Variants in HDAC9 observed in about 807,000 individuals in gnomAD.
HDAC9 encodes histone deacetylase 9.
HDAC9 carries 41 observed loss-of-function variants against 139.4 expected under a neutral mutation model. That is an observed-to-expected ratio of 0.29 (90% CI 0.23 to 0.38). HDAC9 has a LOEUF of 0.38. Ranked by LOEUF, HDAC9 falls within the 10% of genes least tolerant of loss-of-function variation. HDAC9 has a pLI of 1.00. For synonymous variants in HDAC9, 517 were observed against 476.2 expected, an observed-to-expected ratio of 1.09 and a Z score of -1.12; for missense variants, 1,147 against 1,297.0, an observed-to-expected ratio of 0.88 and a Z score of 1.78.
chr7:18,631,386 T>C (rs1295399331), intron 7 of HDAC9, among the ~76,000 whole-genome samples: 1 of 152,050 alleles, frequency 6.6e-6, no homozygotes, highest in Non-Finnish European at 1.5e-5. Context: ...GAAATGTCTT[T>C]GGAGGCTCCG....
At chr7:18,692,077 G>C (rs1782712617) in intron 12 of HDAC9, among the ~76,000 whole-genome samples, 1 of 152,064 alleles carries the variant, frequency 6.6e-6, no homozygotes, top group South Asian at 2.1e-4. Flanking sequence ...TCTCAGAAAA[G>C]ACAGCATATT....
chr7:18,828,492 C>T (rs1037467364), intron 17 of HDAC9, among the ~76,000 whole-genome samples: 5 of 152,172 alleles, frequency 3.3e-5, no homozygotes, highest in African/African-American at 4.8e-5. Flanking sequence ...CTGCTTGCTT[C>T]TCAGCCCTGG....
chr7:18,479,723 T>G (rs1292189508), intron 1 of HDAC9, among the ~76,000 whole-genome samples: 1 of 152,126 alleles, frequency 6.6e-6, no homozygotes, highest in Non-Finnish European at 1.5e-5. Flanking sequence ...CCCTATTTTT[T>G]TCTTTATTGT....
At chr7:18,748,352 C>T in intron 13 of HDAC9, among the ~76,000 whole-genome samples, 1 of 152,066 alleles carries the variant, frequency 6.6e-6, no homozygotes, top group Admixed American at 6.5e-5. Context: ...TTGTAATTTA[C>T]ATTTATTTTT....
chr7:18,175,609 T>A (rs1788827112), intron 2 of HDAC9, among the ~76,000 whole-genome samples: 1 of 152,188 alleles, frequency 6.6e-6, no homozygotes, highest in Admixed American at 6.5e-5. Flanking sequence ...AGTCCATAGT[T>A]TTATAATGCA....
chr7:18,991,573 C>T (rs769847935), intron 25 of HDAC9, among the ~76,000 whole-genome samples: 3 of 151,460 alleles, frequency 2.0e-5, no homozygotes, highest in Non-Finnish European at 2.9e-5. Flanking sequence ...GGAGGCGGAG[C>T]TTGCAGTGAG....
intron 1 of HDAC9, among the ~76,000 whole-genome samples, chr7:18,449,261 T>G: frequency 6.6e-6 from 1 of 152,120 alleles, no homozygotes; most frequent in East Asian, 1.9e-4. Context: ...TTATGAAACA[T>G]TCATGTAATG....
intron 25 of HDAC9, among the ~76,000 whole-genome samples, chr7:18,983,873 T>C (rs1470742058): frequency 6.6e-6 from 1 of 152,144 alleles, no homozygotes; most frequent in Non-Finnish European, 1.5e-5. Flanking sequence ...CCTTGGCACA[T>C]GCCTTCTCTT....
intron 1 of HDAC9, among the ~76,000 whole-genome samples, chr7:18,149,197 T>A (rs1786565982): frequency 6.6e-6 from 1 of 152,158 alleles, no homozygotes; most frequent in East Asian, 1.9e-4. Context: ...TTGTCTTTTT[T>A]ATTTATTGCC....
chr7:18,157,354 A>G (rs1376475529), intron 1 of HDAC9, among the ~76,000 whole-genome samples: 2 of 152,134 alleles, frequency 1.3e-5, no homozygotes, highest in African/African-American at 4.8e-5. Context: ...ACATGAGGGA[A>G]AGAAGGAAGA....
At chr7:18,540,684 A>T (rs981142407) in intron 2 of HDAC9, among the ~76,000 whole-genome samples, 1 of 152,202 alleles carries the variant, frequency 6.6e-6, no homozygotes, top group Non-Finnish European at 1.5e-5. Context: ...ACAGCCTTGG[A>T]TGTATAAAGA....
chr7:18,104,277 G>T (rs962503697), intron 1 of HDAC9, among the ~76,000 whole-genome samples: 15 of 151,802 alleles, frequency 9.9e-5, no homozygotes, highest in Non-Finnish European at 1.6e-4. Context: ...CACATTAAGG[G>T]TTTCTTTTTG....
chr7:18,936,099 G>A (rs191322969), intron 23 of HDAC9, among the ~76,000 whole-genome samples, 157 bp downstream of exon 23: 7 of 152,224 alleles, frequency 4.6e-5, no homozygotes, highest in South Asian at 2.1e-4. Context: ...ACATGTTCTC[G>A]TATACTACAA....
intron 2 of HDAC9, among the ~76,000 whole-genome samples, chr7:18,231,365 G>A (rs1444224211): frequency 2.0e-5 from 3 of 152,182 alleles, no homozygotes; most frequent in Non-Finnish European, 4.4e-5. Context: ...ACTTTACGGC[G>A]ATCAAGCTGC....
At chr7:18,127,861 T>A (rs1355061939) in intron 1 of HDAC9, among the ~76,000 whole-genome samples, 1 of 152,098 alleles carries the variant, frequency 6.6e-6, no homozygotes, top group African/African-American at 2.4e-5. Context: ...CTTTTGCTTT[T>A]GATTCTTGTA....
intron 14 of HDAC9, among the ~76,000 whole-genome samples, chr7:18,757,281 C>A (rs944567768): frequency 6.6e-6 from 1 of 151,942 alleles, no homozygotes; most frequent in African/African-American, 2.4e-5. Flanking sequence ...TATTTAGAGA[C>A]AATGGATGAA....
intron 23 of HDAC9, among the ~76,000 whole-genome samples, chr7:18,940,177 C>G (rs1319712679): frequency 3.3e-5 from 5 of 152,038 alleles, no homozygotes; most frequent in Admixed American, 6.5e-5. Flanking sequence ...TGTGTAGACA[C>G]ATAGAGGGGT....
intron 2 of HDAC9, among the ~76,000 whole-genome samples, chr7:18,255,422 G>T (rs1014473202): frequency 6.6e-6 from 1 of 152,122 alleles, no homozygotes; most frequent in Admixed American, 6.5e-5. Context: ...ACAGCCATAA[G>T]TCAGACAGGG....
At chr7:18,600,270 T>C (rs1355892628) in intron 6 of HDAC9, among the ~76,000 whole-genome samples, 1 of 152,180 alleles carries the variant, frequency 6.6e-6, no homozygotes, top group Non-Finnish European at 1.5e-5. Context: ...TCTTGTATCA[T>C]TGTCTTTCAC....
Sources: gnomAD v4.1 joint callset for allele counts (sites outside exome capture counted in the v4.1 genomes callset) on GRCh38, gnomAD v4.1.1 for gene constraint, MANE v1.5 for transcripts, NCBI Gene and HGNC (gene_info 2026-07-23, HGNC 2026-07-21) for gene names.